The following ZNF595 variants were observed in gnomAD, a reference collection of about 807,000 sequenced individuals.
ZNF595 encodes zinc finger protein 595.
In ZNF595, 9 loss-of-function variants were observed where a neutral mutation model predicts 19.4. The observed-to-expected ratio is 0.46, with a 90% CI of 0.28 to 0.81. The LOEUF (loss-of-function observed/expected upper bound fraction) is 0.81, where lower values mean the gene tolerates loss of function less well. ZNF595 is among the 30% of genes least tolerant of loss of function. The pLI is 0.11. For missense variants in ZNF595, 729 were observed against 736.0 expected (o/e 0.99, Z 0.11); for synonymous variants, 255 against 255.9 (o/e 1.00, Z 0.03).
At chr4:82,240 G>A (rs1379068659) in intron 3 of ZNF595, among the ~76,000 whole-genome samples, 2 of 152,028 alleles carry the variant, frequency 1.3e-5, no homozygotes, top group Non-Finnish European at 2.9e-5. Context: ...AATTAAAAAT[G>A]TGACAGAGAT....
chr4:64,681 A>G (rs1713006595), intron 3 of ZNF595, among the ~76,000 whole-genome samples: 1 of 152,308 alleles, frequency 6.6e-6, no homozygotes, highest in Non-Finnish European at 1.5e-5. Flanking sequence ...AGAACTTACC[A>G]TACATCTGTG....
intron 3 of ZNF595, among the ~76,000 whole-genome samples, chr4:75,955 T>TGACCTC (rs1553798644): frequency 1.3e-5 from 2 of 152,154 alleles, no homozygotes; most frequent in African/African-American, 4.8e-5. Context: ...AATGGTGCAT[T>TGACCTC]CACAGCTCAG....
intron 3 of ZNF595, among the ~76,000 whole-genome samples, chr4:81,544 G>T (rs1560091922): frequency 1.3e-5 from 2 of 151,908 alleles, no homozygotes; most frequent in African/African-American, 2.4e-5. Flanking sequence ...TATTATTTTT[G>T]ATTGTCAACA....
intron 3 of ZNF595, among the ~76,000 whole-genome samples, chr4:72,217 A>G (rs1713460801): frequency 6.6e-6 from 1 of 152,254 alleles, no homozygotes; most frequent in Non-Finnish European, 1.5e-5. Context: ...ATTTTAAAAA[A>G]ATCTAGTGAT....
chr4:85,791 A>T lies in ZNF595; in HGVS notation c.287A>T (p.His96Leu). The T allele has an allele frequency of 6.2e-7, 1 of 1,613,094 alleles. No homozygotes were observed. Residue 96 changes from histidine (H) to leucine (L), a missense_variant, in exon 4 of 4, where the codon CAC becomes CTC. Transcript: ENST00000610261. ...SPVQGIEDSF[H>L]KLILKRYEKC... ...GTGCAGGGGATAGAAGATTCATTCCACAAACTTATACTGAAAAGATACGAG... is the reference window on the plus strand; with the variant it reads ...GTGCAGGGGATAGAAGATTCATTCCTCAAACTTATACTGAAAAGATACGAG...
chr4:66,993 G>A (rs1323654986), intron 3 of ZNF595, among the ~76,000 whole-genome samples: 1 of 143,802 alleles, frequency 7.0e-6, no homozygotes, highest in Non-Finnish European at 1.5e-5. Flanking sequence ...TTTTCATTAG[G>A]CTTACGTTGA....
At position 85,755 on chromosome 4, in the gene ZNF595, A is replaced by G. The variant is rs781904183; in HGVS notation, c.251A>G (p.Asp84Gly). ...PPAICSPFSQ[D>G]LSPVQGIEDS... is the part of the protein sequence containing the mutation. ...GCTATATGTTCTCCTTTCAGCCAAGACCTTTCACCAGTGCAGGGGATAGAA... is the reference window on the plus strand; with the variant it reads ...GCTATATGTTCTCCTTTCAGCCAAGGCCTTTCACCAGTGCAGGGGATAGAA... Residue 84 changes from aspartate (D) to glycine (G), a missense_variant, in exon 4 of 4, where the codon GAC becomes GGC. Coordinates refer to ENST00000610261, the MANE Select transcript of ZNF595 (RefSeq NM_182524.4). The G allele has an allele frequency of 1.3e-6, 2 of 1,586,654 alleles. No homozygotes were observed. The highest frequency in any genetic ancestry group is 3.6e-5 in the Admixed American group (2 of 55,292).
intron 3 of ZNF595, among the ~76,000 whole-genome samples, chr4:76,057 A>T (rs781962234): frequency 2.0e-5 from 3 of 151,898 alleles, no homozygotes; most frequent in Non-Finnish European, 4.4e-5. Context: ...TGTCCGGCTA[A>T]TTTTGTCAGT....
rs117094183 is a variant in ZNF595, at chr4:80,473, C to T, written c.227-5258C>T. Among the ~76,000 whole-genome samples the T allele has an allele frequency of 9.6e-4, 146 of 152,142 alleles. No homozygotes were observed. In the East Asian group the frequency reaches 0.022, roughly 23 times the overall value. ...TTTTCATTTTTTTATTTTTGTCATGCGCATCCGTGTGAAAAGACCACCAAA... is the reference window on the plus strand; with the variant it reads ...TTTTCATTTTTTTATTTTTGTCATGTGCATCCGTGTGAAAAGACCACCAAA... On this transcript the variant is annotated intron_variant, in intron 3 of 3. Coordinates refer to ENST00000610261, the MANE Select transcript of ZNF595 (RefSeq NM_182524.4).
chr4:63,196 T>C (rs1263350946), intron 3 of ZNF595, among the ~76,000 whole-genome samples: 2 of 144,776 alleles, frequency 1.4e-5, no homozygotes, highest in African/African-American at 5.4e-5. Flanking sequence ...GAATATACTA[T>C]ACTCTTTTGA....
Position 82,379 on chromosome 4 carries a change from T to G in ZNF595, c.227-3352T>G, listed in dbSNP as rs1277021617. On this transcript the variant is annotated intron_variant, in intron 3 of 3. Transcript: ENST00000610261. ...CCATTTTTTTGGTTTGTGGTTTTTT[T>G]TTTTTTTTTTTTTTTTTTTTTGAGA... Among the ~76,000 whole-genome samples the G allele has an allele frequency of 2.2e-4, 23 of 104,434 alleles. 1 individual carries two copies. Among genetic ancestry groups the G allele is most frequent in the African/African-American group, 3.5e-4 (7 of 19,816 alleles). 68.5% of individuals were successfully genotyped at this position (104,434 alleles called of 152,430 possible).
At chr4:84,719 A>C (rs60400620) in intron 3 of ZNF595, among the ~76,000 whole-genome samples, 40,378 of 151,750 alleles carry the variant, frequency 0.27, 6,078 homozygotes, top group South Asian at 0.42. Context: ...TTACATCCTT[A>C]TTTTACTTTT....
At chr4:53,583 GT>G (rs1712473806) in intron 1 of ZNF595, 92 bp downstream of exon 1, 1 of 1,028,740 alleles carries the variant, frequency 9.7e-7, no homozygotes, top group African/African-American at 1.7e-5. Context: ...TGCGAACGGA[GT>G]CCCCGCTGCC....
chr4:87,065 T>C lies in ZNF595; in HGVS notation c.1561T>C (p.Ser521Pro). 6.2e-7 allele frequency: 1 copy of C among 1,613,608 alleles called. No individual in the cohort carries two copies. Among genetic ancestry groups the C allele is most frequent in the Non-Finnish European group, 8.5e-7 (1 of 1,179,916 alleles). ...ATGTGGCAAAGCTTTTAACCAATCC[T>C]CAGGCCTTATTATACACAGGAGCAT... ...KECGKAFNQSSGLIIHRSIHS... is the reference protein window; with the variant it reads ...KECGKAFNQSPGLIIHRSIHS... The change falls in exon 4 of 4, where the codon TCA becomes CCA. Residue 521 changes from serine (S) to proline (P), a missense_variant. By Grantham distance (74) the Ser-to-Pro change is moderately conservative. Around this residue, in one of 2 missense-constraint regions of ZNF595, gnomAD observed 729 missense variants for 675.3 expected, o/e 1.08. Transcript: ENST00000610261.
rs1553801466 is a variant in ZNF595, at chr4:86,333, A to T, written c.829A>T (p.Ile277Phe). The part of the protein sequence containing the change: ...RSTTLNEHKK[I>F]HTGEKPYKCK... ...CACAACACTGAATGAACACAAGAAA[A>T]TTCATACTGGAGAGAAACCCTACAA... Residue 277 changes from isoleucine to phenylalanine, a missense_variant, in exon 4 of 4, where the codon ATT becomes TTT. Physicochemically the swap from Ile to Phe is conservative, Grantham distance 21 (BLOSUM62 0). Coordinates refer to ENST00000610261, the MANE Select transcript of ZNF595 (RefSeq NM_182524.4). 1 of 1,613,992 alleles carries T rather than the reference A, an allele frequency of 6.2e-7. No individual in the cohort carries two copies. Among genetic ancestry groups the T allele is most frequent in the Admixed American group, 1.7e-5 (1 of 60,018 alleles).
chr4:69,498 T>C (rs1197066423), intron 3 of ZNF595, among the ~76,000 whole-genome samples: 1 of 152,198 alleles, frequency 6.6e-6, no homozygotes, highest in African/African-American at 2.4e-5. Flanking sequence ...GATATTGATG[T>C]GGAGCACCTC....
intron 3 of ZNF595, chr4:68,637 C>T (rs1281268758): frequency 9.7e-4 from 147 of 152,232 alleles, no homozygotes; most frequent in African/African-American, 3.4e-3. Flanking sequence ...TTTGTGAGTA[C>T]GTAGTACCTA....
Position 86,647 on chromosome 4 carries a change from A to T in ZNF595, c.1143A>T (p.Ser381=). The change falls in exon 4 of 4, where the codon TCA becomes TCT. Residue 381 remains serine, a synonymous_variant. Coordinates refer to ENST00000610261, the MANE Select transcript of ZNF595 (RefSeq NM_182524.4). The stretch of plus-strand genomic sequence containing the variant: ...GTGGCAAAGCCTTTACTTGGTCCTC[A>T]TCCCTTAATAAACATAAGAGAATTC... ...EECGKAFTWS[S]SLNKHKRIHT... is the part of the protein sequence containing the mutation. 6.2e-7 allele frequency: 1 copy of T among 1,613,606 alleles called. No individual in the cohort carries two copies.
At chr4:67,735 G>GT in intron 3 of ZNF595, 1 of 357,330 alleles carries the variant, frequency 2.8e-6, no homozygotes, top group Non-Finnish European at 5.2e-6. Flanking sequence ...TGTTTCACTG[G>GT]TATTTTAAAA....
Sources: gnomAD v4.1 joint callset for allele counts (sites outside exome capture counted in the v4.1 genomes callset) on GRCh38, gnomAD v4.1.1 for gene constraint, gnomAD v4.1.1 regional missense constraint, MANE v1.5 for transcripts, NCBI Gene and HGNC (gene_info 2026-07-23, HGNC 2026-07-21) for gene names.